CALN1: variants seen among roughly 807,000 people sequenced by gnomAD.
CALN1 encodes the protein calneuron 1.
CALN1 carries 17 observed loss-of-function variants against 30.6 expected under a neutral mutation model. The observed-to-expected ratio is 0.56, with a 90% CI of 0.38 to 0.83. The LOEUF (loss-of-function observed/expected upper bound fraction) is 0.83, where lower values mean the gene tolerates loss of function less well. Ranked by LOEUF, CALN1 falls within the 40% of genes least tolerant of loss-of-function variation. The pLI is 0.00. For synonymous variants in CALN1, 156 were observed against 131.4 expected (o/e 1.19, Z -1.28); for missense variants, 291 against 354.9 (o/e 0.82, Z 1.45).
chr7:72,219,107 C>T lies in CALN1; in HGVS notation c.244+59579G>A, dbSNP rs376095581. On this transcript the variant is annotated intron_variant, in intron 3 of 6. Coordinates refer to ENST00000395275, the MANE Select transcript of CALN1 (RefSeq NM_031468.4). ...GGAATATGTATTCATTAAATAAGCA[C>T]TCAGCCATTCTATTTCTCAATTACC... 5.6e-4 allele frequency among the ~76,000 whole-genome samples: 86 copies of T among 152,320 alleles called. 2 individuals are homozygous for T. In the South Asian group the frequency reaches 0.017, roughly 30 times the overall value.
At chr7:71,826,250 G>A (rs1788908015) in intron 5 of CALN1, among the ~76,000 whole-genome samples, 1 of 151,918 alleles carries the variant, frequency 6.6e-6, no homozygotes. Flanking sequence ...ATGTGACTAA[G>A]CCTCTGCAGT....
rs375501917 is a variant in CALN1 at position 72,028,038 on chromosome 7, G to T, written c.389-4269C>A. ...CGCGCCACTGCACTCCAGCCTGGGC[G>T]ACAGAGCGAGACTCCGTCTCAAAAA... is the stretch of plus-strand genomic sequence containing the variant. On this transcript the variant is annotated intron_variant, in intron 4 of 6. Transcript: ENST00000395275. 3.2e-4 allele frequency among the ~76,000 whole-genome samples: 41 copies of T among 126,976 alleles called. No homozygotes were observed. In the East Asian group the frequency reaches 3.9e-3, roughly 12 times the overall value. 83.3% of individuals were successfully genotyped at this position (126,976 alleles called of 152,430 possible).
At chr7:71,855,218 T>C (rs1040429565) in intron 5 of CALN1, among the ~76,000 whole-genome samples, 5 of 152,210 alleles carry the variant, frequency 3.3e-5, no homozygotes, top group Admixed American at 2.6e-4. Context: ...CTGGCAGCAT[T>C]ACCCGAGTGC....
At chr7:72,094,683 A>G (rs1028818023) in intron 4 of CALN1, among the ~76,000 whole-genome samples, 2 of 152,226 alleles carry the variant, frequency 1.3e-5, no homozygotes. Context: ...CTTCCTGGGC[A>G]TACTGTAGAA....
At chr7:72,337,747 G>C (rs1311827437) in intron 2 of CALN1, 2 of 152,452 alleles carry the variant, frequency 1.3e-5, no homozygotes, top group Non-Finnish European at 2.9e-5. Context: ...CGTCCAGGGA[G>C]GCACGGCTGC....
intron 5 of CALN1, among the ~76,000 whole-genome samples, chr7:71,897,642 A>C (rs1793599871): frequency 6.6e-6 from 1 of 152,062 alleles, no homozygotes; most frequent in Non-Finnish European, 1.5e-5. Flanking sequence ...TCTTCTTAAC[A>C]GGATGCAGAA....
intron 6 of CALN1, among the ~76,000 whole-genome samples, chr7:71,791,283 G>C (rs1458218975): frequency 1.3e-5 from 2 of 152,130 alleles, no homozygotes; most frequent in Non-Finnish European, 2.9e-5. Flanking sequence ...GTGTCTTTAT[G>C]GTAAAGCAAT....
chr7:72,454,314 G>A, the CALN1 span, among the ~76,000 whole-genome samples: 3 of 152,134 alleles, frequency 2.0e-5, no homozygotes, highest in Non-Finnish European at 4.4e-5. Flanking sequence ...TGGGAGGAGG[G>A]AGACCATCAG....
At chr7:72,332,822 T>A (rs1294602195) in intron 2 of CALN1, among the ~76,000 whole-genome samples, 1 of 152,112 alleles carries the variant, frequency 6.6e-6, no homozygotes, top group African/African-American at 2.4e-5. Flanking sequence ...ATCTTCTCCA[T>A]CCTCCCCACC....
At chr7:72,243,342 CTT>C (rs951459733) in intron 3 of CALN1, among the ~76,000 whole-genome samples, 18 of 152,196 alleles carry the variant, frequency 1.2e-4, no homozygotes, top group Admixed American at 5.2e-4. Context: ...GAGAAACAAA[CTT>C]TTGTTATTTA....
rs573018625 is a variant in CALN1 at position 71,954,268 on chromosome 7, G to GCTAA, written c.501+69385_501+69388dup. ...AGGTCAGGAGTTCAAGACCAGCCTG[G>GCTAA]CTAACATCTTGAAACCCTGTCTCTA... On this transcript the variant is annotated intron_variant, in intron 5 of 6. Transcript: ENST00000395275. 5.5e-3 allele frequency among the ~76,000 whole-genome samples: 835 copies of GCTAA among 152,180 alleles called. 6 individuals carry two copies. The highest frequency in any genetic ancestry group is 0.019 in the African/African-American group (803 of 41,526).
chr7:71,912,439 T>A (rs1039135214), intron 5 of CALN1, among the ~76,000 whole-genome samples: 2 of 152,122 alleles, frequency 1.3e-5, no homozygotes, highest in Non-Finnish European at 2.9e-5. Flanking sequence ...CAGTTACAAA[T>A]GTGATACCTT....
intron 2 of CALN1, among the ~76,000 whole-genome samples, chr7:72,333,728 A>G (rs1585518791): frequency 6.6e-6 from 1 of 151,724 alleles, no homozygotes; most frequent in East Asian, 1.9e-4. Context: ...CAATCATCAA[A>G]CCAGTCTGGG....
chr7:72,265,880 TC>T (rs1223315909), intron 3 of CALN1, among the ~76,000 whole-genome samples: 1 of 152,040 alleles, frequency 6.6e-6, no homozygotes, highest in African/African-American at 2.4e-5. Context: ...ATACCTGTAA[TC>T]CCAGCATTTT....
At chr7:71,788,816 C>G (rs1193444873) in intron 6 of CALN1, among the ~76,000 whole-genome samples, 1 of 152,022 alleles carries the variant, frequency 6.6e-6, no homozygotes, top group African/African-American at 2.4e-5. Context: ...CGCCACCATG[C>G]CCGGCTAATT....
chr7:71,920,128 T>C (rs1340275044), intron 5 of CALN1, among the ~76,000 whole-genome samples: 1 of 152,144 alleles, frequency 6.6e-6, no homozygotes, highest in Non-Finnish European at 1.5e-5. Context: ...CTATAGAGTA[T>C]CATGCCACTA....
chr7:72,314,981 C>CAAAAAA (rs530371351), intron 2 of CALN1, among the ~76,000 whole-genome samples: 3 of 105,428 alleles, frequency 2.8e-5, no homozygotes, highest in Non-Finnish European at 4.2e-5. Context: ...CCCATCTCTA[C>CAAAAAA]AAAAAAAAAA....
At chr7:72,442,677 G>C (rs915000422) in intron 1 of CALN1, among the ~76,000 whole-genome samples, 2 of 152,102 alleles carry the variant, frequency 1.3e-5, no homozygotes, top group African/African-American at 4.8e-5. Context: ...ACTTATTTAA[G>C]ATTGCACTTT....
intron 3 of CALN1, among the ~76,000 whole-genome samples, chr7:72,270,183 A>G (rs1229509544): frequency 6.6e-6 from 1 of 152,058 alleles, no homozygotes; most frequent in Non-Finnish European, 1.5e-5. Context: ...TAAGCCAGGC[A>G]CAATGGATCA....
Sources: allele counts gnomAD v4.1 joint callset (sites outside exome capture counted in the v4.1 genomes callset), GRCh38; gene constraint gnomAD v4.1.1; transcripts MANE v1.5; gene names NCBI Gene and HGNC (gene_info 2026-07-23, HGNC 2026-07-21).